The following LAMA2 variants were observed in gnomAD, a reference collection of about 807,000 sequenced individuals.
The protein encoded by LAMA2 is laminin subunit alpha-2.
In LAMA2, 269 loss-of-function variants were observed where a neutral mutation model predicts 364.8. That is an observed-to-expected ratio of 0.74 (90% confidence interval 0.67 to 0.82). The LOEUF is 0.82. Among genes scored for constraint, LAMA2 ranks in the 40% least tolerant of loss-of-function variants. The pLI is 0.00. For missense variants in LAMA2, 3,807 were observed against 3,873.2 expected, an observed-to-expected ratio of 0.98 and a Z score of 0.45; for synonymous variants, 1,379 against 1,370.6, an observed-to-expected ratio of 1.01 and a Z score of -0.14.
chr6:129,511,195 A>G (rs1197205245), intron 62 of LAMA2, among the ~76,000 whole-genome samples: 1 of 152,188 alleles, frequency 6.6e-6, no homozygotes, highest in African/African-American at 2.4e-5. Flanking sequence ...ACTGGAAAAC[A>G]TACAATTCAT....
chr6:128,961,305 A>T (rs1781473442), intron 1 of LAMA2, among the ~76,000 whole-genome samples: 2 of 118,710 alleles, frequency 1.7e-5, no homozygotes, highest in South Asian at 6.0e-4. Flanking sequence ...CTGTAGAGGG[A>T]CAGAACTAAT....
intron 45 of LAMA2, among the ~76,000 whole-genome samples, 166 bp downstream of exon 45, chr6:129,445,987 T>C (rs1271623958): frequency 6.6e-6 from 1 of 152,190 alleles, no homozygotes; most frequent in Non-Finnish European, 1.5e-5. Flanking sequence ...AGGTTAGTTT[T>C]GTTTTGTTTG....
At chr6:129,135,005 C>A (rs1777698520) in intron 4 of LAMA2, among the ~76,000 whole-genome samples, 1 of 152,136 alleles carries the variant, frequency 6.6e-6, no homozygotes, top group South Asian at 2.1e-4. Context: ...CTCAGGGGAC[C>A]TGGGCACCGT....
At chr6:129,465,848 A>C (rs1034624510) in intron 51 of LAMA2, among the ~76,000 whole-genome samples, 5 of 152,040 alleles carry the variant, frequency 3.3e-5, no homozygotes, top group Non-Finnish European at 7.4e-5. Flanking sequence ...TAAAATATAC[A>C]CTCAAACTTT....
intron 1 of LAMA2, among the ~76,000 whole-genome samples, chr6:128,953,749 C>T (rs1780983209): frequency 6.6e-6 from 1 of 151,920 alleles, no homozygotes; most frequent in Admixed American, 6.6e-5. Context: ...TTATCGTTCT[C>T]TTCCAAACTG....
intron 40 of LAMA2, among the ~76,000 whole-genome samples, chr6:129,415,628 T>C (rs144396546): frequency 0.029 from 4,383 of 152,048 alleles, 220 homozygotes; most frequent in African/African-American, 0.099. Flanking sequence ...GGAAGATTGC[T>C]TGAGCCCAGG....
In LAMA2 at chr6:128,901,803, C is replaced by T. The variant is rs942839334; in HGVS notation, c.112+18446C>T. ...TTAGGAGAATATTTAGCTAATAATT[C>T]TACAGTTGACTGCAGAGTTTATTCA... On this transcript the variant is annotated intron_variant, in intron 1 of 64. Coordinates refer to ENST00000421865, the MANE Select transcript of LAMA2 (RefSeq NM_000426.4). Among the ~76,000 whole-genome samples the T allele has an allele frequency of 3.3e-5, 5 of 152,156 alleles. No individual in the cohort carries two copies. The East Asian group carries it at 9.6e-4, about 29-fold the overall frequency.
chr6:129,114,455 G>A (rs1007608209), intron 4 of LAMA2, among the ~76,000 whole-genome samples: 1 of 151,996 alleles, frequency 6.6e-6, no homozygotes, highest in African/African-American at 2.4e-5. Context: ...CCATTGATAC[G>A]ATTATAACTC....
At chr6:129,299,304 A>C (rs1773402963) in intron 21 of LAMA2, among the ~76,000 whole-genome samples, 2 of 152,130 alleles carry the variant, frequency 1.3e-5, no homozygotes, top group African/African-American at 2.4e-5. Flanking sequence ...CATCTATTAA[A>C]TTAAGATAAT....
chr6:128,954,665 C>T (rs1241268984), intron 1 of LAMA2, among the ~76,000 whole-genome samples: 1 of 151,938 alleles, frequency 6.6e-6, no homozygotes, highest in African/African-American at 2.4e-5. Flanking sequence ...CAGCAAAGCT[C>T]TGTTATTCTT....
At position 129,330,591 on chromosome 6, in the gene LAMA2, G is replaced by GTTTTTTTTTTTTTTTTTTT. The variant is rs1491387157; in HGVS notation, c.4311+2179_4311+2180insTTTTTTTTTTTTTTTTTTT. Among the ~76,000 whole-genome samples the GTTTTTTTTTTTTTTTTTTT allele has an allele frequency of 1.3e-4, 11 of 83,818 alleles. 3 individuals carry two copies. The highest frequency in any genetic ancestry group is 3.0e-4 in the Admixed American group (2 of 6,620). 55.0% of individuals were successfully genotyped at this position (83,818 alleles called of 152,430 possible). A position where few individuals can be genotyped will look rare whatever the true frequency, so the allele number is the denominator to read the frequency against. On this transcript the variant is annotated intron_variant, in intron 29 of 64. Coordinates refer to ENST00000421865, the MANE Select transcript of LAMA2 (RefSeq NM_000426.4). ...TTGAAGCGTTTTTTTGTTGTTGTTTGGTTTTTGTTTTTTTTTTTTTTTTTC... is the reference window on the plus strand; with the variant it reads ...TTGAAGCGTTTTTTTGTTGTTGTTTGTTTTTTTTTTTTTTTTTTTGTTTTTGTTTTTTTTTTTTTTTTTC...
chr6:129,256,476 A>G (rs1178907443), intron 14 of LAMA2, among the ~76,000 whole-genome samples: 2 of 152,094 alleles, frequency 1.3e-5, no homozygotes, highest in Non-Finnish European at 2.9e-5. Context: ...AAGGCATTGT[A>G]CAGTAGAGAA....
chr6:128,935,162 C>A (rs116478804), intron 1 of LAMA2, among the ~76,000 whole-genome samples: 8 of 151,914 alleles, frequency 5.3e-5, no homozygotes, highest in Non-Finnish European at 1.2e-4. Flanking sequence ...TTGCCGCACC[C>A]GTCAACTCAT....
chr6:129,442,887 A>G, intron 43 of LAMA2, 176 bp from the exon 44 acceptor site: 2 of 578,316 alleles, frequency 3.5e-6, no homozygotes. Context: ...TAAATTATAT[A>G]TTTTGTGTAC....
rs1562581261 is a variant in LAMA2 at position 129,456,445 on chromosome 6, TG to T, written c.6820del (p.Asp2274MetfsTer11). On this transcript the variant is annotated frameshift_variant, in exon 48 of 65. Transcript: ENST00000421865. LOFTEE classifies it high-confidence loss of function. ...TSPPGYTILD[V>X]DANAMLFVGG... is the part of the protein sequence containing the mutation. ...CCTCCAGGGTACACGATTCTAGATG[TG>T]GATGCAAATGCAATGCTGTTTGTTG... is the stretch of plus-strand genomic sequence containing the variant. 5.0e-6 allele frequency: 8 copies of T among 1,613,594 alleles called. No individual in the cohort carries two copies. The highest frequency in any genetic ancestry group is 6.8e-6 in the Non-Finnish European group (8 of 1,179,634).
intron 41 of LAMA2, among the ~76,000 whole-genome samples, chr6:129,432,039 T>G (rs542145329): frequency 1.0e-3 from 152 of 152,232 alleles, no homozygotes; most frequent in Non-Finnish European, 2.0e-3. Context: ...ATACTCCTTT[T>G]GAATTTGCAT....
intron 37 of LAMA2, among the ~76,000 whole-genome samples, chr6:129,395,241 A>T (rs1470889935): frequency 6.6e-6 from 1 of 152,234 alleles, no homozygotes; most frequent in Non-Finnish European, 1.5e-5. Context: ...AATAAGCTGC[A>T]TTTTAAATAA....
intron 12 of LAMA2, among the ~76,000 whole-genome samples, chr6:129,227,715 G>T (rs937957944): frequency 2.0e-5 from 3 of 152,286 alleles, no homozygotes; most frequent in Middle Eastern, 3.4e-3. Flanking sequence ...GTACTCGGCC[G>T]TGTGGGATGT....
chr6:128,983,465 A>G (rs1783022482), intron 1 of LAMA2, among the ~76,000 whole-genome samples: 1 of 152,128 alleles, frequency 6.6e-6, no homozygotes, highest in African/African-American at 2.4e-5. Context: ...CATGTTCCCA[A>G]CTCTGAATTT....
Sources: gnomAD v4.1 joint callset for allele counts (sites outside exome capture counted in the v4.1 genomes callset) on GRCh38, gnomAD v4.1.1 for gene constraint, MANE v1.5 for transcripts, NCBI Gene and HGNC (gene_info 2026-07-23, HGNC 2026-07-21) for gene names.